NFASC: variants seen among roughly 807,000 people sequenced by gnomAD.
NFASC encodes the protein neurofascin, also known as neurofascin homolog.
A neutral mutation model predicts 147.5 loss-of-function variants in NFASC; 43 were observed. That is an observed-to-expected ratio of 0.29 (90% CI 0.23 to 0.38). The LOEUF (loss-of-function observed/expected upper bound fraction) is 0.38, where lower values mean the gene tolerates loss of function less well. Among genes scored for constraint, NFASC ranks in the 10% least tolerant of loss-of-function variants. The pLI, the probability that NFASC is intolerant of heterozygous loss-of-function variation, is 1.00. For missense variants in NFASC, 1,320 were observed against 1,689.0 expected (o/e 0.78, Z 3.83); for synonymous variants, 622 against 665.5 (o/e 0.93, Z 1.01).
intron 1 of NFASC, among the ~76,000 whole-genome samples, chr1:204,913,949 A>T (rs1219944556): frequency 1.3e-5 from 2 of 152,116 alleles, no homozygotes; most frequent in African/African-American, 4.8e-5. Context: ...AATGAAAAAC[A>T]TGGAAACATA....
At chr1:204,851,599 C>G (rs2075705257) in intron 1 of NFASC, among the ~76,000 whole-genome samples, 2 of 152,078 alleles carry the variant, frequency 1.3e-5, no homozygotes, top group Admixed American at 1.3e-4. Flanking sequence ...TCCCAAAGCG[C>G]TGGAATTAGA....
chr1:204,856,418 T>TGTGTGA (rs1320968276), intron 1 of NFASC, among the ~76,000 whole-genome samples: 156 of 151,178 alleles, frequency 1.0e-3, no homozygotes, highest in Admixed American at 2.8e-3. Context: ...TGTGTGTGTG[T>TGTGTGA]GATTGTGTGA....
rs75936558 is a variant in NFASC at position 204,870,831 on chromosome 1, G to C, written c.-200+42049G>C. 7,834 of 1,181,146 alleles carry C rather than the reference G, an allele frequency of 6.6e-3. 419 individuals carry two copies. The East Asian group carries it at 0.19, about 29-fold the overall frequency. The allele number at this position is 1,181,146 out of a possible 1,614,324, so 73.2% of individuals were successfully genotyped here. On this transcript the variant is annotated intron_variant, in intron 1 of 29. Coordinates refer to ENST00000339876, the MANE Select transcript of NFASC (RefSeq NM_001005388.3). ...GGCTGGGGAGGTGGCCGATGGGGGT[G>C]ACAAGGAGCAGGGAAGCCAGGAATT...
At chr1:204,878,993 G>A (rs886317001) in intron 1 of NFASC, among the ~76,000 whole-genome samples, 3 of 152,104 alleles carry the variant, frequency 2.0e-5, no homozygotes, top group East Asian at 1.9e-4. Context: ...GATTTTTATT[G>A]GAGATTCTTC....
chr1:204,968,157 T>C lies in NFASC; in HGVS notation c.707-92T>C. ...AGCTGGGAGGATCCGGCAGGGGCGG[T>C]GATGCCACTTCTCTCTAGCCTGACA... On this transcript the variant is annotated intron_variant, in intron 8 of 29. Coordinates refer to ENST00000339876, the MANE Select transcript of NFASC (RefSeq NM_001005388.3). This position sits in a 1 kb window ranked among gnomAD's most constrained non-coding sequence, Gnocchi z 5.4. The C allele has an allele frequency of 1.1e-6, 1 of 897,796 alleles. No homozygotes were observed. The highest frequency in any genetic ancestry group is 1.4e-5 in the South Asian group (1 of 70,742). 55.6% of individuals were successfully genotyped at this position (897,796 alleles called of 1,614,324 possible).
At chr1:204,870,668 G>A (rs1249960045) in intron 1 of NFASC, 6 of 1,076,960 alleles carry the variant, frequency 5.6e-6, no homozygotes, top group East Asian at 7.8e-5. Context: ...GAGACCCAGC[G>A]GTGAGCGAGT....
Position 204,987,101 on chromosome 1 carries a change from G to GAGGT in NFASC, c.2471-315_2471-312dup. On this transcript the variant is annotated intron_variant, in intron 21 of 29. Coordinates refer to ENST00000339876, the MANE Select transcript of NFASC (RefSeq NM_001005388.3). The surrounding 1 kb of genome is among the most constrained non-coding windows in gnomAD (Gnocchi z 4.4). ...CCTAGGAATGGCTCTGCCCAATTTC[G>GAGGT]AGGTATCTTTGCAGAATCAGAGCCT... 1 of 372,248 alleles carries GAGGT rather than the reference G, an allele frequency of 2.7e-6. No individual in the cohort carries two copies. The highest frequency in any genetic ancestry group is 3.8e-5 in the South Asian group (1 of 26,346). The allele number at this position is 372,248 out of a possible 1,614,324, so 23.1% of individuals were successfully genotyped here.
chr1:204,953,181 G>T lies in NFASC; in HGVS notation c.216-1007G>T, dbSNP rs80263765. 1.5e-3 allele frequency among the ~76,000 whole-genome samples: 229 copies of T among 152,376 alleles called. 1 individual carries two copies. Among genetic ancestry groups the T allele is most frequent in the African/African-American group, 5.1e-3 (212 of 41,588 alleles). ...GATTGTGGGCATCTGAGGATGTGAG[G>T]CCTTGGCTGCAGCTCCCAGGAGGAG... On this transcript the variant is annotated intron_variant, in intron 5 of 29. Transcript: ENST00000339876.
chr1:204,999,011 A>G (rs1388850017), intron 25 of NFASC: 3 of 152,234 alleles, frequency 2.0e-5, no homozygotes, highest in African/African-American at 7.2e-5. Context: ...TAGGACTTTA[A>G]AAATGAATGT....
At chr1:204,941,237 C>A (rs2149749145) in intron 2 of NFASC, among the ~76,000 whole-genome samples, 1 of 152,294 alleles carries the variant, frequency 6.6e-6, no homozygotes, top group Non-Finnish European at 1.5e-5. Context: ...ATCTAGTGTT[C>A]TTTAAATTCT....
chr1:204,916,573 C>A (rs569096380), intron 1 of NFASC, among the ~76,000 whole-genome samples: 2 of 151,958 alleles, frequency 1.3e-5, no homozygotes, highest in South Asian at 2.1e-4. Context: ...CATTGCTGTC[C>A]CCTGACACTC....
chr1:204,860,174 C>T (rs2076537814), intron 1 of NFASC, among the ~76,000 whole-genome samples: 1 of 152,174 alleles, frequency 6.6e-6, no homozygotes. Flanking sequence ...ATGTTGTAAT[C>T]AAATGGCCAT....
chr1:204,979,671 C>G lies in NFASC; in HGVS notation c.2176+112C>G, dbSNP rs1446040771. The G allele has an allele frequency of 2.1e-6, 2 of 956,316 alleles. No individual in the cohort carries two copies. Among genetic ancestry groups the G allele is most frequent in the East Asian group, 2.4e-5 (1 of 41,582 alleles). The allele number at this position is 956,316 out of a possible 1,614,324, so 59.2% of individuals were successfully genotyped here. ...CTTAGGTTACTTAACTTCTCCAAGG[C>G]CCGGCCTCATCTGTGAGGCAGAGAG... On this transcript the variant is annotated intron_variant, in intron 19 of 29. Transcript: ENST00000339876. This position sits in a 1 kb window ranked among gnomAD's most constrained non-coding sequence, Gnocchi z 6.0.
intron 1 of NFASC, among the ~76,000 whole-genome samples, chr1:204,862,256 A>ATTT (rs1406912224): frequency 6.6e-6 from 1 of 152,220 alleles, no homozygotes; most frequent in Non-Finnish European, 1.5e-5. Flanking sequence ...CTACCCTCAT[A>ATTT]GGATAAAGAT....
intron 1 of NFASC, among the ~76,000 whole-genome samples, chr1:204,856,717 G>A (rs562086601): frequency 2.0e-5 from 3 of 152,158 alleles, no homozygotes; most frequent in African/African-American, 7.2e-5. Flanking sequence ...TCTGCTTTCT[G>A]TCAGTATGAA....
chr1:204,867,509 C>T (rs1169623182), intron 1 of NFASC, among the ~76,000 whole-genome samples: 2 of 151,566 alleles, frequency 1.3e-5, no homozygotes, highest in Non-Finnish European at 2.9e-5. Context: ...CCTATAGACA[C>T]ATGAAGGCTG....
chr1:204,969,904 C>A (rs1377584779), intron 10 of NFASC, among the ~76,000 whole-genome samples: 1 of 151,346 alleles, frequency 6.6e-6, no homozygotes, highest in East Asian at 1.9e-4. Flanking sequence ...GATGAAACCC[C>A]ATCTCTACTA....
At chr1:204,883,808 T>C (rs2080784371) in intron 1 of NFASC, among the ~76,000 whole-genome samples, 1 of 152,150 alleles carries the variant, frequency 6.6e-6, no homozygotes, top group Non-Finnish European at 1.5e-5. Context: ...CCTGAGCCAC[T>C]GGAAGGCCCT....
intron 22 of NFASC, among the ~76,000 whole-genome samples, chr1:204,988,045 A>G (rs4017874): frequency 0.15 from 23,587 of 152,268 alleles, 1,976 homozygotes; most frequent in Non-Finnish European, 0.19. Flanking sequence ...AGAGCTCAGC[A>G]TCACCATGCA....
Sources: allele counts gnomAD v4.1 joint callset (sites outside exome capture counted in the v4.1 genomes callset), GRCh38; gene constraint gnomAD v4.1.1; non-coding constraint Gnocchi (gnomAD v3.1); transcripts MANE v1.5; gene names NCBI Gene and HGNC (gene_info 2026-07-23, HGNC 2026-07-21).